Variants in ZNF536 observed in about 807,000 individuals in gnomAD.
ZNF536 encodes the protein zinc finger protein 536.
Under a neutral mutation model 84.5 loss-of-function variants are expected in ZNF536, and 13 were observed. The ratio of observed to expected loss-of-function variants is 0.15; its 90% CI spans 0.10 to 0.24. The LOEUF is 0.24. ZNF536 is among the 10% of genes least tolerant of loss of function. The probability of loss-of-function intolerance (pLI) is 1.00; values close to 1 mark genes in which losing one functional copy is unlikely to be tolerated. For missense variants in ZNF536, 1,536 were observed against 1,747.5 expected (o/e 0.88, Z 2.16); for synonymous variants, 811 against 742.5 (o/e 1.09, Z -1.50).
chr19:30,618,514 T>C (rs1380859010), intron 1 of ZNF536, among the ~76,000 whole-genome samples: 3 of 152,168 alleles, frequency 2.0e-5, no homozygotes, highest in African/African-American at 2.4e-5. Context: ...GGCTTACTTA[T>C]ACTTATTGAT....
intron 1 of ZNF536, among the ~76,000 whole-genome samples, chr19:30,593,304 G>A (rs888493514): frequency 1.3e-5 from 2 of 152,184 alleles, no homozygotes; most frequent in Admixed American, 1.3e-4. Context: ...TGAGCAGTGA[G>A]GGAGGAACCT....
intron 2 of ZNF536, among the ~76,000 whole-genome samples, chr19:30,467,983 G>A (rs1347868069): frequency 6.6e-6 from 1 of 152,246 alleles, no homozygotes; most frequent in African/African-American, 2.4e-5. Flanking sequence ...AGGAGGTGAG[G>A]GAAGGGGAGG....
At chr19:30,674,781 T>C (rs747429957) in intron 1 of ZNF536, among the ~76,000 whole-genome samples, 3 of 152,160 alleles carry the variant, frequency 2.0e-5, no homozygotes, top group Non-Finnish European at 4.4e-5. Context: ...TGTTCTTGGT[T>C]GGTATTCGAG....
intron 2 of ZNF536, among the ~76,000 whole-genome samples, chr19:30,464,863 G>A (rs1365490715): frequency 6.6e-6 from 1 of 152,074 alleles, no homozygotes. Context: ...ACAAGGTTCT[G>A]TGGAGGCCTA....
chr19:30,656,989 G>A (rs968201794), intron 1 of ZNF536, among the ~76,000 whole-genome samples: 1 of 152,174 alleles, frequency 6.6e-6, no homozygotes, highest in Non-Finnish European at 1.5e-5. Flanking sequence ...ACTCATGGCC[G>A]GCCCTTTTGC....
intron 2 of ZNF536, among the ~76,000 whole-genome samples, chr19:30,504,946 T>C (rs1343694203): frequency 6.6e-6 from 1 of 150,634 alleles, no homozygotes; most frequent in Non-Finnish European, 1.5e-5. Context: ...TTAACCTGAC[T>C]AGTAATCAAA....
intron 1 of ZNF536, among the ~76,000 whole-genome samples, chr19:30,677,025 T>C (rs571722319): frequency 6.6e-6 from 1 of 152,290 alleles, no homozygotes; most frequent in South Asian, 2.1e-4. Context: ...GTTTTTAAGA[T>C]ATTTTGCTTG....
intron 2 of ZNF536, among the ~76,000 whole-genome samples, chr19:30,461,387 TCAGAGGTCAC>T (rs2053127913): frequency 6.6e-6 from 1 of 151,750 alleles, no homozygotes; most frequent in Non-Finnish European, 1.5e-5. Flanking sequence ...TGCAGGGAGG[TCAGAGGTCAC>T]CACTTCCCTC....
intron 1 of ZNF536, among the ~76,000 whole-genome samples, chr19:30,669,151 T>A (rs1188830892): frequency 6.6e-6 from 1 of 152,232 alleles, no homozygotes; most frequent in Non-Finnish European, 1.5e-5. Context: ...ATTGTCCCAA[T>A]GCCACAGTGG....
downstream of ZNF536, among the ~76,000 whole-genome samples, chr19:30,558,743 G>C (rs998075469): frequency 6.6e-6 from 1 of 152,178 alleles, no homozygotes; most frequent in East Asian, 1.9e-4. Flanking sequence ...CCATTTCAAC[G>C]GTGTTTCCAA....
intron 2 of ZNF536, among the ~76,000 whole-genome samples, chr19:30,461,464 G>A (rs2053131736): frequency 6.6e-6 from 1 of 152,188 alleles, no homozygotes; most frequent in Non-Finnish European, 1.5e-5. Flanking sequence ...GAGCAGGGAA[G>A]GAGGATAGCC....
intron 1 of ZNF536, among the ~76,000 whole-genome samples, chr19:30,419,027 G>A (rs951378776): frequency 6.6e-5 from 10 of 152,132 alleles, no homozygotes; most frequent in African/African-American, 2.2e-4. Flanking sequence ...ATACACAATA[G>A]CATTCAGAAG....
At chr19:30,541,572 T>C (rs956393170) in intron 3 of ZNF536, among the ~76,000 whole-genome samples, 4 of 152,226 alleles carry the variant, frequency 2.6e-5, no homozygotes, top group Non-Finnish European at 4.4e-5. Context: ...TTGAAAATAA[T>C]TGATTGAATT....
At chr19:30,643,796 C>G (rs1362115973) in intron 1 of ZNF536, among the ~76,000 whole-genome samples, 1 of 152,066 alleles carries the variant, frequency 6.6e-6, no homozygotes. Context: ...TACATCTCCC[C>G]CAGTTAACCC....
At chr19:30,628,517 C>T (rs575134111) in intron 1 of ZNF536, among the ~76,000 whole-genome samples, 4 of 151,774 alleles carry the variant, frequency 2.6e-5, no homozygotes, top group African/African-American at 9.7e-5. Context: ...CAAGCTCCGC[C>T]CCCCGGGTTC....
At chr19:30,243,885 G>A (rs2024100885) in intron 1 of ZNF536, among the ~76,000 whole-genome samples, 1 of 152,070 alleles carries the variant, frequency 6.6e-6, no homozygotes, top group Non-Finnish European at 1.5e-5. Flanking sequence ...TTTGTCTTGG[G>A]GAACAATGAA....
chr19:30,599,046 C>T (rs1288145905), intron 1 of ZNF536, among the ~76,000 whole-genome samples: 6 of 121,234 alleles, frequency 4.9e-5, no homozygotes, highest in Admixed American at 1.6e-4. Context: ...TTCCTTCCCT[C>T]TTTCCCCATC....
chr19:30,235,977 C>A (rs1415767161), intron 1 of ZNF536, among the ~76,000 whole-genome samples: 1 of 152,218 alleles, frequency 6.6e-6, no homozygotes, highest in Non-Finnish European at 1.5e-5. Flanking sequence ...GCATGGATTC[C>A]ACAGCATCAG....
At chr19:30,613,571 T>A (rs2048176376) in intron 1 of ZNF536, among the ~76,000 whole-genome samples, 1 of 152,202 alleles carries the variant, frequency 6.6e-6, no homozygotes, top group African/African-American at 2.4e-5. Context: ...ATTTGGCAAT[T>A]GGGAGCATCT....
Sources: allele counts gnomAD v4.1 joint callset (sites outside exome capture counted in the v4.1 genomes callset), GRCh38; gene constraint gnomAD v4.1.1; transcripts MANE v1.5; gene names NCBI Gene and HGNC (gene_info 2026-07-23, HGNC 2026-07-21).